DIAPH3: variants seen among roughly 807,000 people sequenced by gnomAD.
DIAPH3 encodes the protein protein diaphanous homolog 3.
DIAPH3 carries 117 observed loss-of-function variants against 144.3 expected under a neutral mutation model. That is an observed-to-expected ratio of 0.81 (90% confidence interval 0.70 to 0.95). The LOEUF (loss-of-function observed/expected upper bound fraction) is 0.95, where lower values mean the gene tolerates loss of function less well. DIAPH3 is among the 40% of genes least tolerant of loss of function. The pLI, the probability that DIAPH3 is intolerant of heterozygous loss-of-function variation, is 0.00. For synonymous variants in DIAPH3, 519 were observed against 488.9 expected, an observed-to-expected ratio of 1.06 and a Z score of -0.81; for missense variants, 1,421 against 1,412.7, an observed-to-expected ratio of 1.01 and a Z score of -0.09.
At chr13:59,940,073 C>T (rs900178433) in intron 17 of DIAPH3, among the ~76,000 whole-genome samples, 6 of 152,020 alleles carry the variant, frequency 3.9e-5, no homozygotes, top group Non-Finnish European at 7.4e-5. Flanking sequence ...TCGAGCCTGC[C>T]CCCACTCCCC....
intron 17 of DIAPH3, among the ~76,000 whole-genome samples, chr13:59,942,846 T>C (rs1197647700): frequency 4.6e-5 from 7 of 152,216 alleles, no homozygotes; most frequent in Admixed American, 4.6e-4. Context: ...TAATTTTCCA[T>C]GTTCATATGT....
intron 12 of DIAPH3, among the ~76,000 whole-genome samples, chr13:59,990,672 T>C (rs1319189106): frequency 6.6e-6 from 1 of 151,958 alleles, no homozygotes; most frequent in African/African-American, 2.4e-5. Flanking sequence ...AAATAATTTG[T>C]TAACCTCAGA....
At chr13:59,848,712 A>C (rs2042814964) in intron 22 of DIAPH3, among the ~76,000 whole-genome samples, 1 of 70,570 alleles carries the variant, frequency 1.4e-5, no homozygotes, top group Non-Finnish European at 2.8e-5. Flanking sequence ...AATCCAGTCT[A>C]TCATTGTTGG....
intron 17 of DIAPH3, among the ~76,000 whole-genome samples, chr13:59,930,261 G>C (rs1053156121): frequency 6.6e-6 from 1 of 152,124 alleles, no homozygotes; most frequent in Non-Finnish European, 1.5e-5. Flanking sequence ...TACAATGCTA[G>C]ACAAGATAGA....
chr13:59,847,659 T>G (rs962756471), intron 22 of DIAPH3, among the ~76,000 whole-genome samples: 4 of 152,226 alleles, frequency 2.6e-5, no homozygotes, highest in Admixed American at 2.6e-4. Flanking sequence ...GTATAATGGT[T>G]CTGTGTACAT....
intron 4 of DIAPH3, among the ~76,000 whole-genome samples, chr13:60,087,480 C>G (rs1326461832): frequency 6.6e-6 from 1 of 152,126 alleles, no homozygotes; most frequent in Non-Finnish European, 1.5e-5. Flanking sequence ...CTTATGAACT[C>G]AATTTAGACT....
intron 27 of DIAPH3, among the ~76,000 whole-genome samples, chr13:59,745,027 C>A (rs1010764355): frequency 4.6e-5 from 7 of 152,256 alleles, no homozygotes; most frequent in African/African-American, 7.2e-5. Flanking sequence ...AGACTTGGAA[C>A]CTTTTTTGTT....
chr13:60,126,313 CA>C (rs2058987294), intron 2 of DIAPH3, among the ~76,000 whole-genome samples: 1 of 152,090 alleles, frequency 6.6e-6, no homozygotes, highest in Non-Finnish European at 1.5e-5. Flanking sequence ...AAAGAAGCAG[CA>C]TATGATTATA....
chr13:59,820,151 T>C (rs1405997482), intron 24 of DIAPH3, among the ~76,000 whole-genome samples: 2 of 151,976 alleles, frequency 1.3e-5, no homozygotes, highest in South Asian at 4.1e-4. Context: ...CTGGCTTATA[T>C]CAATTATATA....
intron 27 of DIAPH3, among the ~76,000 whole-genome samples, chr13:59,752,299 C>T (rs1436690739): frequency 6.6e-6 from 1 of 151,870 alleles, no homozygotes; most frequent in Admixed American, 6.6e-5. Flanking sequence ...CTAAGTAGAC[C>T]CCTATAGGGT....
intron 27 of DIAPH3, among the ~76,000 whole-genome samples, chr13:59,694,730 A>C (rs2033711615): frequency 6.6e-6 from 1 of 152,182 alleles, no homozygotes; most frequent in Non-Finnish European, 1.5e-5. Context: ...AACAAAGTAA[A>C]AAAAAAGTTA....
Position 60,016,093 on chromosome 13 carries a change from C to G in DIAPH3, c.679G>C (p.Glu227Gln). 1 of 1,613,562 alleles carries G rather than the reference C, an allele frequency of 6.2e-7. No individual in the cohort carries two copies. Among genetic ancestry groups the G allele is most frequent in the Non-Finnish European group, 8.5e-7 (1 of 1,179,762 alleles). The change falls in exon 6 of 28, where the codon GAA becomes CAA. Residue 227 changes from glutamate to glutamine, a missense_variant. Transcript: ENST00000400324. ...EGLGLLLDIL[E>Q]KLISGKIQEK... ...TACATTTTTCCACTAATCAGTTTTT[C>G]CAAAATGTCTAATAATAATCCAAGC...
chr13:59,884,553 A>C (rs2140088134), intron 20 of DIAPH3, among the ~76,000 whole-genome samples: 1 of 152,284 alleles, frequency 6.6e-6, no homozygotes, highest in Admixed American at 6.5e-5. Flanking sequence ...ATGATAAGCA[A>C]GAAGAATGTG....
At position 59,897,812 on chromosome 13, in the gene DIAPH3, G is replaced by C. The variant is rs1002610477; in HGVS notation, c.2367+13923C>G. Among the ~76,000 whole-genome samples the C allele has an allele frequency of 1.3e-5, 2 of 151,246 alleles. 1 individual carries two copies. The highest frequency in any genetic ancestry group is 3.0e-5 in the Non-Finnish European group (2 of 67,710). ...GGTGCTGAACTGGATCACAATAGAT[G>C]AGAAGAAAAAAGTGTAAAATAAAAA... On this transcript the variant is annotated intron_variant, in intron 20 of 27. Coordinates refer to ENST00000400324, the MANE Select transcript of DIAPH3 (RefSeq NM_001042517.2).
At chr13:60,104,110 C>T (rs963906989) in intron 3 of DIAPH3, among the ~76,000 whole-genome samples, 19 of 152,056 alleles carry the variant, frequency 1.2e-4, no homozygotes, top group African/African-American at 4.3e-4. Context: ...AAGATAAATA[C>T]TACCAAGAAC....
chr13:60,028,896 TA>T (rs2054578129), intron 5 of DIAPH3, among the ~76,000 whole-genome samples: 2 of 151,886 alleles, frequency 1.3e-5, no homozygotes, highest in South Asian at 4.2e-4. Flanking sequence ...CCATCTCTAC[TA>T]AAAATACAAA....
intron 27 of DIAPH3, among the ~76,000 whole-genome samples, chr13:59,749,377 A>G (rs9528034): frequency 0.34 from 51,658 of 150,290 alleles, 9,314 homozygotes; most frequent in African/African-American, 0.44. Context: ...AAAATTAGCC[A>G]GGCGTGGTGG....
intron 24 of DIAPH3, among the ~76,000 whole-genome samples, chr13:59,820,071 T>C (rs1249517088): frequency 6.6e-6 from 1 of 151,972 alleles, no homozygotes; most frequent in Non-Finnish European, 1.5e-5. Context: ...CAATTTTTTA[T>C]TATTACAGTA....
intron 5 of DIAPH3, chr13:60,021,083 A>T (rs975409026): frequency 6.6e-6 from 1 of 152,246 alleles, no homozygotes; most frequent in Admixed American, 6.5e-5. Flanking sequence ...AGGACTAAGC[A>T]TGTGTAGTAA....
Sources: allele counts gnomAD v4.1 joint callset (sites outside exome capture counted in the v4.1 genomes callset), GRCh38; gene constraint gnomAD v4.1.1; transcripts MANE v1.5; gene names NCBI Gene and HGNC (gene_info 2026-07-23, HGNC 2026-07-21).